CLSTN2: variants seen among roughly 807,000 people sequenced by gnomAD.
CLSTN2 encodes calsyntenin-2.
CLSTN2 carries 48 observed loss-of-function variants against 101.2 expected under a neutral mutation model. The observed-to-expected ratio is 0.47, with a 90% CI of 0.38 to 0.60. CLSTN2 has a LOEUF of 0.60. CLSTN2 is among the 20% of genes least tolerant of loss of function. CLSTN2 has a pLI of 0.00. For missense variants in CLSTN2, 1,160 were observed against 1,238.2 expected (o/e 0.94, Z 0.95); for synonymous variants, 481 against 463.6 (o/e 1.04, Z -0.48).
At chr3:140,027,432 A>G (rs1157050400) in intron 1 of CLSTN2, among the ~76,000 whole-genome samples, 4 of 152,186 alleles carry the variant, frequency 2.6e-5, no homozygotes, top group Non-Finnish European at 5.9e-5. Flanking sequence ...CTCCACCAGA[A>G]GCTAGAAGGG....
chr3:140,171,527 C>G (rs964202039), intron 1 of CLSTN2, among the ~76,000 whole-genome samples: 3 of 148,056 alleles, frequency 2.0e-5, no homozygotes, highest in Non-Finnish European at 4.4e-5. Context: ...CAGAGCTGCT[C>G]TCAATTCTAT....
intron 2 of CLSTN2, among the ~76,000 whole-genome samples, chr3:140,236,335 T>C (rs1051288016): frequency 2.6e-5 from 4 of 152,224 alleles, no homozygotes; most frequent in Non-Finnish European, 5.9e-5. Flanking sequence ...ATATTGTTTC[T>C]GATGGAAAGT....
At chr3:140,222,566 A>G (rs1197841962) in intron 2 of CLSTN2, among the ~76,000 whole-genome samples, 2 of 152,230 alleles carry the variant, frequency 1.3e-5, no homozygotes, top group African/African-American at 4.8e-5. Flanking sequence ...GCTTATATCA[A>G]AACATCTCAT....
At chr3:140,112,718 C>T (rs998128419) in intron 1 of CLSTN2, among the ~76,000 whole-genome samples, 9 of 152,144 alleles carry the variant, frequency 5.9e-5, no homozygotes, top group African/African-American at 1.7e-4. Flanking sequence ...TGAGACTGCA[C>T]GTCTGACCTA....
chr3:140,186,431 A>G (rs1349547487), intron 2 of CLSTN2, among the ~76,000 whole-genome samples: 1 of 152,230 alleles, frequency 6.6e-6, no homozygotes, highest in African/African-American at 2.4e-5. Flanking sequence ...TAAATGTCTC[A>G]GTGAACTTGT....
chr3:140,469,816 G>A (rs1179571950), intron 8 of CLSTN2, among the ~76,000 whole-genome samples: 2 of 152,176 alleles, frequency 1.3e-5, no homozygotes, highest in African/African-American at 2.4e-5. Context: ...GTGAGGCAGG[G>A]GAAGAGGGAG....
rs926388103 is a variant in CLSTN2 at position 140,390,838 on chromosome 3, T to G, written c.233-12791T>G. On this transcript the variant is annotated intron_variant, in intron 2 of 16. Transcript: ENST00000458420. ...TTTTTCCCTTAGGAAAAGGTCCTAT[T>G]TCTTGGCTCTTCACATGTCAAGTAA... 2.0e-5 allele frequency among the ~76,000 whole-genome samples: 3 copies of G among 152,354 alleles called. No individual in the cohort carries two copies. The East Asian group carries it at 5.8e-4, about 29-fold the overall frequency.
In CLSTN2 at chr3:140,319,699, A is replaced by G. The variant is rs2087263459; in HGVS notation, c.233-83930A>G. On this transcript the variant is annotated intron_variant, in intron 2 of 16. Transcript: ENST00000458420. ...TTTGTCAGGAATAGAGAGATGACACATGGAAGGTTCTGAGCATGTGCCTTA... is the reference window on the plus strand; with the variant it reads ...TTTGTCAGGAATAGAGAGATGACACGTGGAAGGTTCTGAGCATGTGCCTTA... Among the ~76,000 whole-genome samples, 3 of 152,368 alleles carry G rather than the reference A, an allele frequency of 2.0e-5. No homozygotes were observed. In the South Asian group the frequency reaches 6.2e-4, roughly 32 times the overall value.
At chr3:140,136,627 T>A (rs550404530) in intron 1 of CLSTN2, among the ~76,000 whole-genome samples, 244 of 152,328 alleles carry the variant, frequency 1.6e-3, no homozygotes, top group Middle Eastern at 3.4e-3. Context: ...GCTGTTTTTA[T>A]TAACCATCCA....
chr3:140,022,733 C>T lies in CLSTN2; in HGVS notation c.109+87250C>T, dbSNP rs2007344806. Among the ~76,000 whole-genome samples the T allele has an allele frequency of 2.6e-5, 4 of 152,098 alleles. No homozygotes were observed. In the South Asian group the frequency reaches 6.2e-4, roughly 24 times the overall value. On this transcript the variant is annotated intron_variant, in intron 1 of 16. Transcript: ENST00000458420. ...AAGTTTTATGTAATAGTGATAGACC[C>T]CCTTGCACAAGGAGACAGGTGCTGG...
At chr3:140,169,885 C>T (rs1285215764) in intron 1 of CLSTN2, among the ~76,000 whole-genome samples, 1 of 152,032 alleles carries the variant, frequency 6.6e-6, no homozygotes, top group Non-Finnish European at 1.5e-5. Context: ...TTCCTGGGTA[C>T]TATGTTTGCA....
intron 8 of CLSTN2, among the ~76,000 whole-genome samples, chr3:140,510,285 G>A (rs1251575945): frequency 6.6e-6 from 1 of 152,150 alleles, no homozygotes; most frequent in Non-Finnish European, 1.5e-5. Flanking sequence ...ATCTGCCAAG[G>A]TGTCATCTAG....
intron 2 of CLSTN2, among the ~76,000 whole-genome samples, chr3:140,280,998 G>A (rs56137512): frequency 0.013 from 1,909 of 152,340 alleles, 14 homozygotes; most frequent in Middle Eastern, 0.017. Context: ...GAGAAAAATA[G>A]CATGATTCAC....
At chr3:140,333,965 G>C (rs994090143) in intron 2 of CLSTN2, among the ~76,000 whole-genome samples, 2 of 152,142 alleles carry the variant, frequency 1.3e-5, no homozygotes, top group African/African-American at 4.8e-5. Flanking sequence ...TTTATGTCTG[G>C]ATGATATGTC....
intron 1 of CLSTN2, among the ~76,000 whole-genome samples, chr3:139,954,522 T>G (rs1935353785): frequency 2.0e-5 from 3 of 152,120 alleles, no homozygotes. Context: ...TTTCCCAAGA[T>G]CTAGGGTATG....
intron 2 of CLSTN2, among the ~76,000 whole-genome samples, chr3:140,365,591 G>T (rs2087778372): frequency 6.6e-6 from 1 of 152,060 alleles, no homozygotes; most frequent in African/African-American, 2.4e-5. Context: ...GATCATCGGG[G>T]AAACTAAGGC....
intron 8 of CLSTN2, among the ~76,000 whole-genome samples, chr3:140,468,239 T>A (rs1933755591): frequency 6.6e-6 from 1 of 152,206 alleles, no homozygotes; most frequent in South Asian, 2.1e-4. Flanking sequence ...TTAAAATATA[T>A]AATACAAATT....
chr3:140,228,643 G>T, intron 2 of CLSTN2, among the ~76,000 whole-genome samples: 1 of 152,168 alleles, frequency 6.6e-6, no homozygotes, highest in East Asian at 1.9e-4. Flanking sequence ...CAGAGACTGG[G>T]CAATTTACAA....
At chr3:140,177,515 T>C (rs2010342702) in intron 2 of CLSTN2, among the ~76,000 whole-genome samples, 1 of 152,054 alleles carries the variant, frequency 6.6e-6, no homozygotes, top group South Asian at 2.1e-4. Flanking sequence ...AGATGCCAGA[T>C]ATAGTGGCTC....
Sources: gnomAD v4.1 joint callset for allele counts (sites outside exome capture counted in the v4.1 genomes callset) on GRCh38, gnomAD v4.1.1 for gene constraint, MANE v1.5 for transcripts, NCBI Gene and HGNC (gene_info 2026-07-23, HGNC 2026-07-21) for gene names.